The following NELL1 variants were observed in gnomAD, a reference collection of about 807,000 sequenced individuals.
NELL1 encodes neural EGFL like 1, also known as protein kinase C-binding protein NELL1.
A neutral mutation model predicts 107.4 loss-of-function variants in NELL1; 76 were observed. The observed-to-expected ratio is 0.71, with a 90% CI of 0.59 to 0.86. The LOEUF (loss-of-function observed/expected upper bound fraction) is 0.86, where lower values mean the gene tolerates loss of function less well. NELL1 is among the 40% of genes least tolerant of loss of function. The probability of loss-of-function intolerance (pLI) is 0.00; values close to 1 mark genes in which losing one functional copy is unlikely to be tolerated. For synonymous variants in NELL1, 353 were observed against 341.2 expected, an observed-to-expected ratio of 1.03 and a Z score of -0.38; for missense variants, 1,024 against 1,005.5, an observed-to-expected ratio of 1.02 and a Z score of -0.25.
intron 12 of NELL1, among the ~76,000 whole-genome samples, chr11:20,967,442 A>G (rs573059877): frequency 6.6e-6 from 1 of 152,274 alleles, no homozygotes; most frequent in African/African-American, 2.4e-5. Context: ...GTATTGTACT[A>G]CAAAGATATC....
At chr11:20,967,027 G>A (rs757900756) in intron 12 of NELL1, among the ~76,000 whole-genome samples, 4 of 152,088 alleles carry the variant, frequency 2.6e-5, no homozygotes, top group Non-Finnish European at 4.4e-5. Context: ...ACTTCAAATA[G>A]CACTGTTTTG....
At chr11:21,291,485 C>A (rs2133960228) in intron 14 of NELL1, among the ~76,000 whole-genome samples, 1 of 152,220 alleles carries the variant, frequency 6.6e-6, no homozygotes, top group African/African-American at 2.4e-5. Context: ...CCCAGTTCTA[C>A]CATAGGGACA....
chr11:21,267,647 T>C (rs1365046648), intron 14 of NELL1, among the ~76,000 whole-genome samples: 3 of 151,780 alleles, frequency 2.0e-5, no homozygotes, highest in Non-Finnish European at 4.4e-5. Flanking sequence ...GTCATTCACA[T>C]CTGTCATAGC....
At chr11:20,858,842 AC>A (rs2134070885) in intron 4 of NELL1, among the ~76,000 whole-genome samples, 1 of 152,288 alleles carries the variant, frequency 6.6e-6, no homozygotes, top group South Asian at 2.1e-4. Context: ...CCTCCAGGGC[AC>A]ATGTGTACTG....
At chr11:21,436,895 T>C (rs1398006593) in intron 15 of NELL1, among the ~76,000 whole-genome samples, 1 of 152,208 alleles carries the variant, frequency 6.6e-6, no homozygotes, top group Non-Finnish European at 1.5e-5. Flanking sequence ...AAGCATATTA[T>C]TTAATTTCCC....
In NELL1 at chr11:20,937,813, T is replaced by A. The variant is rs1005739389; in HGVS notation, c.1025T>A (p.Leu342His). 5.0e-6 allele frequency: 8 copies of A among 1,613,994 alleles called. No individual in the cohort carries two copies. The highest frequency in any genetic ancestry group is 6.8e-6 in the Non-Finnish European group (8 of 1,179,954). Residue 342 changes from leucine (L) to histidine (H), a missense_variant, in exon 10 of 20, where the codon CTT (leucine) becomes CAT (histidine). Physicochemically the swap from Leu to His is moderately conservative, Grantham distance 99. Transcript: ENST00000357134. ...AAATGTATCTATGGAGGAAAAGTTC[T>A]TGCAGAAGGCCAGCGGATTTTAACC... ...RPKCIYGGKV[L>H]AEGQRILTKS...
intron 12 of NELL1, among the ~76,000 whole-genome samples, chr11:21,014,949 C>G (rs531802761): frequency 6.6e-6 from 1 of 152,110 alleles, no homozygotes; most frequent in African/African-American, 2.4e-5. Context: ...GCTGAACTTC[C>G]CCATTGTATT....
At chr11:21,147,952 T>C (rs1329906655) in intron 13 of NELL1, among the ~76,000 whole-genome samples, 1 of 150,822 alleles carries the variant, frequency 6.6e-6, no homozygotes, top group African/African-American at 2.4e-5. Flanking sequence ...GGTACCCTAA[T>C]GGAAAGTTAA....
chr11:21,523,038 G>A (rs1232491942), intron 15 of NELL1, among the ~76,000 whole-genome samples: 10 of 151,364 alleles, frequency 6.6e-5, no homozygotes, highest in Admixed American at 5.9e-4. Flanking sequence ...TAGTAGAAAC[G>A]GGGTTTCACC....
At chr11:21,076,294 C>T (rs147628946) in intron 12 of NELL1, among the ~76,000 whole-genome samples, 37 of 152,308 alleles carry the variant, frequency 2.4e-4, no homozygotes, top group African/African-American at 8.4e-4. Flanking sequence ...CCCTCAGTTC[C>T]TCTTCATTGG....
chr11:21,077,267 C>T (rs999335018), intron 12 of NELL1, among the ~76,000 whole-genome samples: 4 of 152,124 alleles, frequency 2.6e-5, no homozygotes, highest in Admixed American at 2.6e-4. Context: ...GTAAATGATG[C>T]TTTACAGGCA....
chr11:21,129,764 C>A (rs987389526), intron 13 of NELL1, among the ~76,000 whole-genome samples: 1 of 151,876 alleles, frequency 6.6e-6, no homozygotes, highest in African/African-American at 2.4e-5. Context: ...GCAATGGGGG[C>A]ATGGAAAGTT....
intron 16 of NELL1, among the ~76,000 whole-genome samples, chr11:21,538,342 G>T (rs1046705245): frequency 2.6e-5 from 4 of 152,064 alleles, no homozygotes; most frequent in African/African-American, 7.2e-5. Flanking sequence ...CAGCATGCTT[G>T]CAAGATTTCT....
At chr11:21,496,309 T>G (rs1854976545) in intron 15 of NELL1, among the ~76,000 whole-genome samples, 1 of 151,894 alleles carries the variant, frequency 6.6e-6, no homozygotes. Flanking sequence ...CTATTTCTTG[T>G]TTAACAGATT....
chr11:20,841,512 C>T (rs1215768674), intron 3 of NELL1, among the ~76,000 whole-genome samples: 5 of 151,996 alleles, frequency 3.3e-5, no homozygotes, highest in African/African-American at 7.2e-5. Context: ...TGAATGCTGA[C>T]ATAATATCAG....
intron 12 of NELL1, among the ~76,000 whole-genome samples, chr11:21,087,631 A>G (rs1171771455): frequency 6.6e-6 from 1 of 152,212 alleles, no homozygotes; most frequent in African/African-American, 2.4e-5. Flanking sequence ...TTTAAACACC[A>G]GGGTCAGCTG....
At chr11:21,307,143 C>A (rs1849622608) in intron 14 of NELL1, among the ~76,000 whole-genome samples, 1 of 151,928 alleles carries the variant, frequency 6.6e-6, no homozygotes, top group South Asian at 2.1e-4. Flanking sequence ...GCCTTGGTGA[C>A]CCTGCATCAG....
At chr11:21,404,170 G>A (rs892064919) in intron 15 of NELL1, among the ~76,000 whole-genome samples, 1 of 151,826 alleles carries the variant, frequency 6.6e-6, no homozygotes, top group Non-Finnish European at 1.5e-5. Flanking sequence ...GCTATTTTTG[G>A]AAGAAGTAAA....
rs78368888 is a variant in NELL1 at position 20,790,216 on chromosome 11, C to T, written c.335+6386C>T. 7.4e-3 allele frequency among the ~76,000 whole-genome samples: 1,133 copies of T among 152,282 alleles called. 16 individuals are homozygous for T. Among genetic ancestry groups the T allele is most frequent in the African/African-American group, 0.026 (1,074 of 41,566 alleles). ...ACCTCCTGCTGACATTCATGGTGCC[C>T]AGACTGCAGGTGCCAAGGGATACCT... On this transcript the variant is annotated intron_variant, in intron 3 of 19. Transcript: ENST00000357134.
Sources: gnomAD v4.1 joint callset for allele counts (sites outside exome capture counted in the v4.1 genomes callset) on GRCh38, gnomAD v4.1.1 for gene constraint, MANE v1.5 for transcripts, NCBI Gene and HGNC (gene_info 2026-07-23, HGNC 2026-07-21) for gene names.